Variants in TRHDE observed in about 807,000 individuals in gnomAD.
TRHDE encodes thyrotropin-releasing hormone-degrading ectoenzyme.
A neutral mutation model predicts 125.7 loss-of-function variants in TRHDE; 72 were observed. The observed-to-expected ratio is 0.57, with a 90% CI of 0.47 to 0.70. The LOEUF (loss-of-function observed/expected upper bound fraction) is 0.70. Ranked by LOEUF, TRHDE falls within the 30% of genes least tolerant of loss-of-function variation. TRHDE has a pLI of 0.00. For synonymous variants in TRHDE, 509 were observed against 509.1 expected, an observed-to-expected ratio of 1.00 and a Z score of 0.00; for missense variants, 1,110 against 1,327.1, an observed-to-expected ratio of 0.84 and a Z score of 2.54.
At chr12:72,168,987 T>C (rs1437046703) in intron 2 of TRHDE, among the ~76,000 whole-genome samples, 1 of 152,208 alleles carries the variant, frequency 6.6e-6, no homozygotes, top group African/African-American at 2.4e-5. Context: ...TTTAAAGTTA[T>C]TTTAATTTCA....
chr12:72,583,923 C>CTTTTTTTTTTT (rs1190363456), intron 12 of TRHDE, among the ~76,000 whole-genome samples: 1 of 60,486 alleles, frequency 1.7e-5, no homozygotes, highest in African/African-American at 1.3e-4. Context: ...GGATGACAAA[C>CTTTTTTTTTTT]TTTTTTTTTT....
At chr12:72,638,366 C>T (rs1408331888) in intron 15 of TRHDE, among the ~76,000 whole-genome samples, 1 of 152,268 alleles carries the variant, frequency 6.6e-6, no homozygotes, top group African/African-American at 2.4e-5. Flanking sequence ...GGTAGATCTT[C>T]TTCCATCCCT....
At chr12:72,243,388 A>G (rs1036678858) in intron 2 of TRHDE, among the ~76,000 whole-genome samples, 8 of 152,204 alleles carry the variant, frequency 5.3e-5, no homozygotes, top group Admixed American at 3.3e-4. Context: ...GTCCAGTTGC[A>G]TGCAGTTCTT....
chr12:72,499,420 C>T, intron 5 of TRHDE, 78 bp from the exon 6 acceptor site: 2 of 1,500,320 alleles, frequency 1.3e-6, no homozygotes, highest in Non-Finnish European at 1.8e-6. Context: ...TTAAGTGACA[C>T]ACATTATGTT....
chr12:72,432,371 G>GT (rs1205033964), intron 3 of TRHDE, among the ~76,000 whole-genome samples: 2 of 152,126 alleles, frequency 1.3e-5, no homozygotes, highest in East Asian at 1.9e-4. Context: ...AACATTTATT[G>GT]TTCCCCTTTC....
chr12:72,446,138 G>A (rs756409403), intron 3 of TRHDE, among the ~76,000 whole-genome samples: 55 of 146,324 alleles, frequency 3.8e-4, no homozygotes, highest in Non-Finnish European at 6.5e-4. Flanking sequence ...GGTGGGGCCC[G>A]ATTGTGCATT....
intron 2 of TRHDE, among the ~76,000 whole-genome samples, chr12:72,222,531 T>C (rs1479514580): frequency 1.6e-5 from 1 of 61,414 alleles, no homozygotes. Flanking sequence ...TGATTTGTTA[T>C]GTCTGGGGAT....
At chr12:72,114,090 G>C (rs1268777230) in intron 2 of TRHDE, among the ~76,000 whole-genome samples, 2 of 151,534 alleles carry the variant, frequency 1.3e-5, no homozygotes, top group African/African-American at 2.4e-5. Context: ...GAGAAATTTG[G>C]GTCCAAGAGT....
chr12:72,168,998 A>G (rs1389041855), intron 2 of TRHDE, among the ~76,000 whole-genome samples: 1 of 152,214 alleles, frequency 6.6e-6, no homozygotes, highest in East Asian at 1.9e-4. Context: ...TTTAATTTCA[A>G]GCTCAGTTTA....
chr12:72,468,472 G>A (rs1357359968), intron 3 of TRHDE, among the ~76,000 whole-genome samples: 1 of 152,112 alleles, frequency 6.6e-6, no homozygotes, highest in Non-Finnish European at 1.5e-5. Flanking sequence ...ATTTTCTGTT[G>A]CATCGTAGGG....
intron 2 of TRHDE, among the ~76,000 whole-genome samples, chr12:72,233,110 C>A (rs985999627): frequency 6.6e-6 from 1 of 152,130 alleles, no homozygotes; most frequent in African/African-American, 2.4e-5. Flanking sequence ...TGTTTTCCAT[C>A]TTCCATTCTC....
intron 2 of TRHDE, among the ~76,000 whole-genome samples, chr12:72,197,837 G>C (rs935230994): frequency 6.6e-6 from 1 of 151,808 alleles, no homozygotes; most frequent in African/African-American, 2.4e-5. Flanking sequence ...ATATTTTCTA[G>C]GTATTCCTCT....
chr12:72,595,856 A>G (rs1871916646), intron 12 of TRHDE, among the ~76,000 whole-genome samples: 2 of 152,248 alleles, frequency 1.3e-5, no homozygotes, highest in Non-Finnish European at 2.9e-5. Context: ...CTGTTATTAT[A>G]TAACAGTCCT....
rs572885586 is a variant in TRHDE, at chr12:72,303,755, T to C, written c.1188+16801T>C. Among the ~76,000 whole-genome samples, 10 of 152,268 alleles carry C rather than the reference T, an allele frequency of 6.6e-5. No individual in the cohort carries two copies. In the South Asian group the frequency reaches 1.9e-3, roughly 28 times the overall value. The stretch of plus-strand genomic sequence containing the variant: ...CTTTAAAATTCATATTGGCCATAAC[T>C]TTCTAAATTGCTATACCTAGCTGCA... On this transcript the variant is annotated intron_variant, in intron 2 of 18. Transcript: ENST00000261180.
chr12:72,343,182 G>C (rs1247628218), intron 2 of TRHDE, among the ~76,000 whole-genome samples: 1 of 152,058 alleles, frequency 6.6e-6, no homozygotes, highest in Non-Finnish European at 1.5e-5. Flanking sequence ...AACAGAGAAA[G>C]TCACTTCTCA....
chr12:72,421,782 A>T (rs1232232978), intron 3 of TRHDE, among the ~76,000 whole-genome samples: 2 of 152,204 alleles, frequency 1.3e-5, no homozygotes, highest in African/African-American at 4.8e-5. Context: ...CCTGCAAGTC[A>T]CTTCTTGATG....
chr12:72,135,513 A>G (rs969860362), intron 2 of TRHDE, among the ~76,000 whole-genome samples: 2 of 151,650 alleles, frequency 1.3e-5, no homozygotes, highest in African/African-American at 4.9e-5. Context: ...TACTGGGACA[A>G]CCTGCTTTCA....
chr12:72,641,275 T>C (rs1455327462), intron 15 of TRHDE, among the ~76,000 whole-genome samples: 1 of 152,230 alleles, frequency 6.6e-6, no homozygotes, highest in East Asian at 1.9e-4. Flanking sequence ...AACAGCATTT[T>C]TATATATTGA....
At chr12:72,119,176 G>A (rs1443985576) in intron 2 of TRHDE, among the ~76,000 whole-genome samples, 3 of 151,968 alleles carry the variant, frequency 2.0e-5, no homozygotes, top group East Asian at 1.9e-4. Flanking sequence ...AGGCACTTAC[G>A]ACTTTAAATT....
Sources: allele counts gnomAD v4.1 joint callset (sites outside exome capture counted in the v4.1 genomes callset), GRCh38; gene constraint gnomAD v4.1.1; transcripts MANE v1.5; gene names NCBI Gene and HGNC (gene_info 2026-07-23, HGNC 2026-07-21).